Variants in FANCC observed in about 807,000 individuals in gnomAD.
FANCC encodes the protein FA complementation group C.
Under a neutral mutation model 71.3 loss-of-function variants are expected in FANCC, and 55 were observed. The ratio of observed to expected loss-of-function variants is 0.77; its 90% CI spans 0.62 to 0.97. The LOEUF (loss-of-function observed/expected upper bound fraction) is 0.97. FANCC is among the 50% of genes least tolerant of loss of function. The probability of loss-of-function intolerance (pLI) is 0.00; values close to 1 mark genes in which losing one functional copy is unlikely to be tolerated. For synonymous variants in FANCC, 275 were observed against 244.9 expected, an observed-to-expected ratio of 1.12 and a Z score of -1.15; for missense variants, 678 against 670.9, an observed-to-expected ratio of 1.01 and a Z score of -0.12.
intron 1 of FANCC, among the ~76,000 whole-genome samples, chr9:95,263,681 G>A (rs961338729): frequency 3.3e-5 from 5 of 152,012 alleles, no homozygotes; most frequent in Admixed American, 6.6e-5. Flanking sequence ...CAACGCCACC[G>A]CACACTAGTG....
intron 6 of FANCC, among the ~76,000 whole-genome samples, chr9:95,162,349 T>A (rs1830800896): frequency 6.6e-6 from 1 of 152,228 alleles, no homozygotes; most frequent in African/African-American, 2.4e-5. Context: ...TCTTTATTCA[T>A]TCGTCCGCTG....
At chr9:95,184,703 G>A (rs958622640) in intron 4 of FANCC, among the ~76,000 whole-genome samples, 2 of 152,308 alleles carry the variant, frequency 1.3e-5, no homozygotes, top group African/African-American at 2.4e-5. Flanking sequence ...TTCACATGGA[G>A]AAGCAAGGGG....
At position 95,194,981 on chromosome 9, in the gene FANCC, C is replaced by T. The variant is rs1035098031; in HGVS notation, c.346-22834G>A. The stretch of plus-strand genomic sequence containing the variant: ...TTGGGAGGCTGAGGCAGACAGATCA[C>T]GAGGTCAGGAGATGGAGACCAGCCT... On this transcript the variant is annotated intron_variant, in intron 4 of 14. Coordinates refer to ENST00000289081, the MANE Select transcript of FANCC (RefSeq NM_000136.3). Among the ~76,000 whole-genome samples the T allele has an allele frequency of 1.8e-4, 28 of 152,116 alleles. 1 individual carries two copies. The highest frequency in any genetic ancestry group is 5.8e-4 in the African/African-American group (24 of 41,516).
At chr9:95,259,692 G>C (rs1831901732) in intron 1 of FANCC, among the ~76,000 whole-genome samples, 1 of 152,172 alleles carries the variant, frequency 6.6e-6, no homozygotes, top group South Asian at 2.1e-4. Context: ...ATTGACAAAT[G>C]GGATCTAATT....
At chr9:95,160,077 G>A (rs2135508842) in intron 6 of FANCC, among the ~76,000 whole-genome samples, 1 of 152,216 alleles carries the variant, frequency 6.6e-6, no homozygotes, top group East Asian at 1.9e-4. Context: ...ATTGCTTTTG[G>A]TGTTTTAGTC....
At chr9:95,167,079 T>C (rs1825348320) in intron 6 of FANCC, among the ~76,000 whole-genome samples, 1 of 152,176 alleles carries the variant, frequency 6.6e-6, no homozygotes, top group Admixed American at 6.5e-5. Flanking sequence ...TGCAGTATTC[T>C]TGATTGGAAG....
intron 7 of FANCC, among the ~76,000 whole-genome samples, chr9:95,144,140 G>A (rs566137736): frequency 9.2e-5 from 14 of 152,238 alleles, no homozygotes; most frequent in African/African-American, 2.9e-4. Context: ...GGGGAGGGGG[G>A]GCTGGGCGCG....
At chr9:95,184,697 C>T (rs1826598692) in intron 4 of FANCC, among the ~76,000 whole-genome samples, 2 of 152,076 alleles carry the variant, frequency 1.3e-5, no homozygotes, top group African/African-American at 4.8e-5. Flanking sequence ...CCAAAATTCA[C>T]ATGGAGAAGC....
intron 1 of FANCC, among the ~76,000 whole-genome samples, chr9:95,282,287 C>T (rs1189481882): frequency 1.3e-5 from 2 of 152,036 alleles, no homozygotes; most frequent in Non-Finnish European, 2.9e-5. Context: ...GACTTTAAGT[C>T]ATCTGTAAAT....
At chr9:95,103,768 T>C (rs973528294) in intron 14 of FANCC, among the ~76,000 whole-genome samples, 1 of 152,200 alleles carries the variant, frequency 6.6e-6, no homozygotes, top group Non-Finnish European at 1.5e-5. Context: ...AAGAGCCCAC[T>C]GCGCAGAGCT....
intron 11 of FANCC, among the ~76,000 whole-genome samples, chr9:95,116,074 C>A (rs994552472): frequency 2.6e-5 from 4 of 152,248 alleles, no homozygotes; most frequent in African/African-American, 9.6e-5. Context: ...TATATTTGGA[C>A]ATAAATCTAC....
chr9:95,179,070 T>G (rs970861515), intron 4 of FANCC, among the ~76,000 whole-genome samples: 2 of 152,230 alleles, frequency 1.3e-5, no homozygotes, highest in Non-Finnish European at 2.9e-5. Flanking sequence ...ATTAAAATAA[T>G]TATAAAATTG....
intron 1 of FANCC, among the ~76,000 whole-genome samples, chr9:95,310,535 G>C (rs1159112069): frequency 6.6e-6 from 1 of 152,128 alleles, no homozygotes; most frequent in Non-Finnish European, 1.5e-5. Flanking sequence ...CCCAAAAATA[G>C]AGTACATACT....
intron 6 of FANCC, among the ~76,000 whole-genome samples, chr9:95,161,686 C>T (rs1301758216): frequency 6.6e-6 from 1 of 152,136 alleles, no homozygotes; most frequent in Admixed American, 6.5e-5. Flanking sequence ...CTATACAGTA[C>T]AGTAGTGTTA....
chr9:95,275,459 C>T (rs1306321320), intron 1 of FANCC, among the ~76,000 whole-genome samples: 1 of 152,066 alleles, frequency 6.6e-6, no homozygotes, highest in Non-Finnish European at 1.5e-5. Context: ...GAATGTACAA[C>T]ACCAAGAGTA....
chr9:95,165,442 CT>C (rs1251030417), intron 6 of FANCC, among the ~76,000 whole-genome samples: 2 of 151,828 alleles, frequency 1.3e-5, no homozygotes, highest in Non-Finnish European at 2.9e-5. Flanking sequence ...AAACTTCCTG[CT>C]TAGAACTGCT....
intron 4 of FANCC, among the ~76,000 whole-genome samples, chr9:95,184,724 C>T (rs530074928): frequency 5.9e-5 from 9 of 152,274 alleles, no homozygotes; most frequent in African/African-American, 2.2e-4. Flanking sequence ...CCAAGAACAG[C>T]ACATGCTAAG....
intron 1 of FANCC, among the ~76,000 whole-genome samples, chr9:95,290,246 T>A (rs997939601): frequency 3.3e-5 from 5 of 152,168 alleles, no homozygotes; most frequent in African/African-American, 1.2e-4. Flanking sequence ...TGGGGAACTC[T>A]GGGGGACCTG....
Position 95,107,156 on chromosome 9 carries a change from A to G in FANCC, c.1443T>C (p.Ala481=), listed in dbSNP as rs1203123580. 1 of 1,614,164 alleles carries G rather than the reference A, an allele frequency of 6.2e-7. No homozygotes were observed. The change falls in exon 14 of 15, where the codon GCT becomes GCC. Residue 481 remains alanine (A), a synonymous_variant. Coordinates refer to ENST00000289081, the MANE Select transcript of FANCC (RefSeq NM_000136.3). ...AGQGTDTDLR[A]PAQQLIRHLL... is the part of the protein sequence containing the mutation. ...GGTGCCTGATCAGCTGTTGTGCAGG[A>G]GCTCTGAGGTCTGTGTCTGTGCCCT...
Sources: allele counts gnomAD v4.1 joint callset (sites outside exome capture counted in the v4.1 genomes callset), GRCh38; gene constraint gnomAD v4.1.1; transcripts MANE v1.5; gene names NCBI Gene and HGNC (gene_info 2026-07-23, HGNC 2026-07-21).